Variants in ADAMTSL1 observed in about 807,000 individuals in gnomAD.
The protein encoded by ADAMTSL1 is ADAMTS like 1, also known as ADAMTS-like protein 1.
In ADAMTSL1, 126 loss-of-function variants were observed where a neutral mutation model predicts 201.8. The observed-to-expected ratio is 0.62, with a 90% CI of 0.54 to 0.72. ADAMTSL1 has a LOEUF of 0.72. ADAMTSL1 is among the 30% of genes least tolerant of loss of function. The pLI, the probability that ADAMTSL1 is intolerant of heterozygous loss-of-function variation, is 0.00. For synonymous variants in ADAMTSL1, 1,121 were observed against 903.4 expected, an observed-to-expected ratio of 1.24 and a Z score of -4.32; for missense variants, 2,679 against 2,277.8, an observed-to-expected ratio of 1.18 and a Z score of -3.59.
intron 2 of ADAMTSL1, among the ~76,000 whole-genome samples, chr9:18,169,551 A>C (rs1220318139): frequency 6.6e-6 from 1 of 152,102 alleles, no homozygotes; most frequent in African/African-American, 2.4e-5. Context: ...GTTTGAAGTC[A>C]GGTAGTGTGA....
chr9:18,515,521 G>C (rs994414096), intron 2 of ADAMTSL1, among the ~76,000 whole-genome samples: 1 of 152,124 alleles, frequency 6.6e-6, no homozygotes, highest in South Asian at 2.1e-4. Flanking sequence ...TTTTTGTAGA[G>C]ACAGGGTTTC....
chr9:18,682,394 T>G (rs1830560298), intron 12 of ADAMTSL1, among the ~76,000 whole-genome samples: 1 of 152,172 alleles, frequency 6.6e-6, no homozygotes, highest in East Asian at 1.9e-4. Context: ...AACAGAAAAC[T>G]GTCACTTTTT....
intron 2 of ADAMTSL1, among the ~76,000 whole-genome samples, chr9:18,196,306 C>T (rs1450877883): frequency 3.3e-5 from 5 of 151,862 alleles, no homozygotes; most frequent in African/African-American, 7.2e-5. Context: ...TTAAGGCATA[C>T]GTGTATGTGT....
intron 1 of ADAMTSL1, among the ~76,000 whole-genome samples, chr9:18,490,636 G>A (rs1822224651): frequency 6.6e-6 from 1 of 152,154 alleles, no homozygotes; most frequent in Admixed American, 6.6e-5. Context: ...AGAGAGAACA[G>A]GGGCCTGAGG....
chr9:18,866,449 C>T (rs1827546772), intron 23 of ADAMTSL1, among the ~76,000 whole-genome samples: 1 of 152,174 alleles, frequency 6.6e-6, no homozygotes, highest in Non-Finnish European at 1.5e-5. Context: ...CCTTGAAAAA[C>T]AGATTAGTGA....
intron 1 of ADAMTSL1, among the ~76,000 whole-genome samples, chr9:18,048,858 C>T (rs1821790966): frequency 6.6e-6 from 1 of 152,156 alleles, no homozygotes; most frequent in Admixed American, 6.5e-5. Flanking sequence ...GGCAAAGTAC[C>T]ACAAACTGGG....
chr9:18,102,502 G>A (rs1824574229), intron 1 of ADAMTSL1, among the ~76,000 whole-genome samples: 1 of 152,172 alleles, frequency 6.6e-6, no homozygotes, highest in Non-Finnish European at 1.5e-5. Flanking sequence ...CAGTTAGTTA[G>A]TGGTCACTTC....
intron 1 of ADAMTSL1, among the ~76,000 whole-genome samples, chr9:18,122,414 A>G (rs1825539521): frequency 6.6e-6 from 1 of 152,124 alleles, no homozygotes; most frequent in Admixed American, 6.6e-5. Flanking sequence ...TCAGTTAATC[A>G]CTGGCAGAAG....
intron 1 of ADAMTSL1, among the ~76,000 whole-genome samples, chr9:17,985,597 A>T (rs1251763173): frequency 1.3e-5 from 2 of 152,152 alleles, no homozygotes; most frequent in Non-Finnish European, 2.9e-5. Flanking sequence ...ATTTTGCCGT[A>T]TTGAGTTTAA....
chr9:18,441,169 G>A (rs553798880), intron 2 of ADAMTSL1, among the ~76,000 whole-genome samples: 2 of 147,852 alleles, frequency 1.4e-5, no homozygotes, highest in Admixed American at 1.4e-4. Context: ...GCTGGGAGTG[G>A]GGAGAGGAAT....
intron 2 of ADAMTSL1, among the ~76,000 whole-genome samples, chr9:18,437,248 G>A (rs1819779014): frequency 6.6e-6 from 1 of 152,116 alleles, no homozygotes; most frequent in Admixed American, 6.5e-5. Context: ...TACCTAGGCT[G>A]CCAGAGCAGT....
intron 10 of ADAMTSL1, among the ~76,000 whole-genome samples, chr9:18,679,172 C>T (rs1031021716): frequency 1.3e-5 from 2 of 152,096 alleles, no homozygotes; most frequent in African/African-American, 4.8e-5. Flanking sequence ...ACAAAAAACC[C>T]GCCTACAGAA....
chr9:18,023,604 T>C (rs949677069), intron 1 of ADAMTSL1, among the ~76,000 whole-genome samples: 2 of 152,124 alleles, frequency 1.3e-5, no homozygotes, highest in African/African-American at 2.4e-5. Context: ...GCTGCTGGCT[T>C]TGGGATTTTT....
chr9:18,897,605 C>T (rs566304776), intron 26 of ADAMTSL1, among the ~76,000 whole-genome samples: 31 of 152,328 alleles, frequency 2.0e-4, no homozygotes, highest in Middle Eastern at 3.4e-3. Context: ...GGAGTGATCC[C>T]CCAGCAAACT....
rs375317921 is a variant in ADAMTSL1 at position 18,193,493 on chromosome 9, T to G, written c.207+29512T>G. Among the ~76,000 whole-genome samples the G allele has an allele frequency of 1.3e-4, 20 of 152,276 alleles. No homozygotes were observed. In the East Asian group the frequency reaches 3.1e-3, roughly 24 times the overall value. ...AAGCCTTTCTCTCCTCTTCTGGCTCTCTCTCTCTTCCTCTGGTTCTCTCCC... is the reference window on the plus strand; with the variant it reads ...AAGCCTTTCTCTCCTCTTCTGGCTCGCTCTCTCTTCCTCTGGTTCTCTCCC... On this transcript the variant is annotated intron_variant, in intron 2 of 29. Coordinates refer to the ADAMTSL1 transcript ENST00000680146.
intron 2 of ADAMTSL1, among the ~76,000 whole-genome samples, chr9:18,513,741 T>C (rs747220518): frequency 3.3e-5 from 5 of 152,210 alleles, no homozygotes; most frequent in Non-Finnish European, 7.3e-5. Flanking sequence ...CCTTTCCCCA[T>C]TGTGTATTCT....
At chr9:18,656,645 A>AG (rs1491376635) in intron 7 of ADAMTSL1, among the ~76,000 whole-genome samples, 16 of 151,298 alleles carry the variant, frequency 1.1e-4, no homozygotes, top group African/African-American at 3.9e-4. Flanking sequence ...AAAAAAAAAA[A>AG]GAAAATGTTA....
Position 18,005,816 on chromosome 9 carries a change from A to C in ADAMTSL1, c.87+98894A>C, listed in dbSNP as rs562872219. 1.1e-4 allele frequency among the ~76,000 whole-genome samples: 16 copies of C among 152,104 alleles called. No homozygotes were observed. In the East Asian group the frequency reaches 3.1e-3, roughly 30 times the overall value. On this transcript the variant is annotated intron_variant, in intron 1 of 29. Transcript: ENST00000680146. ...GGTGAGTTTACTAAATCCAGTTCAA[A>C]CATGGCCTCTTCTCTGCCTCTCTTC...
At chr9:18,183,650 A>G (rs940311688) in intron 2 of ADAMTSL1, among the ~76,000 whole-genome samples, 6 of 152,208 alleles carry the variant, frequency 3.9e-5, no homozygotes, top group African/African-American at 1.4e-4. Flanking sequence ...GGGGATGCAA[A>G]TTAAAACAAC....
Sources: allele counts gnomAD v4.1 joint callset (sites outside exome capture counted in the v4.1 genomes callset), GRCh38; gene constraint gnomAD v4.1.1; transcripts MANE v1.5; gene names NCBI Gene and HGNC (gene_info 2026-07-23, HGNC 2026-07-21).